The following PTPRK variants were observed in gnomAD, a reference collection of about 807,000 sequenced individuals.
PTPRK encodes protein tyrosine phosphatase receptor type K, also known as receptor-type tyrosine-protein phosphatase kappa.
PTPRK carries 75 observed loss-of-function variants against 178.0 expected under a neutral mutation model. The observed-to-expected ratio is 0.42, with a 90% CI of 0.35 to 0.51. PTPRK has a LOEUF of 0.51. PTPRK is among the 20% of genes least tolerant of loss of function. The pLI is 0.02. For missense variants in PTPRK, 1,441 were observed against 1,797.8 expected (o/e 0.80, Z 3.59); for synonymous variants, 637 against 620.6 (o/e 1.03, Z -0.39).
intron 1 of PTPRK, among the ~76,000 whole-genome samples, chr6:128,483,043 T>A (rs538787844): frequency 7.6e-4 from 116 of 152,306 alleles, no homozygotes; most frequent in Non-Finnish European, 1.3e-3. Flanking sequence ...CTAATCTGAA[T>A]GTCTCTTAAA....
chr6:128,348,551 A>AC (rs1832715481), intron 2 of PTPRK, among the ~76,000 whole-genome samples: 1 of 151,588 alleles, frequency 6.6e-6, no homozygotes, highest in Non-Finnish European at 1.5e-5. Flanking sequence ...AGTTTACAAA[A>AC]TTTTCTGTAA....
chr6:128,012,559 T>G (rs1779170904), intron 13 of PTPRK, among the ~76,000 whole-genome samples: 1 of 151,154 alleles, frequency 6.6e-6, no homozygotes, highest in Admixed American at 6.6e-5. Flanking sequence ...TCCCCAGTGT[T>G]CAGAAGCCAA....
intron 6 of PTPRK, among the ~76,000 whole-genome samples, chr6:128,196,729 G>A (rs971319079): frequency 6.6e-6 from 1 of 152,098 alleles, no homozygotes; most frequent in African/African-American, 2.4e-5. Flanking sequence ...CTGTTCCTAA[G>A]TAACAAGAGA....
intron 1 of PTPRK, among the ~76,000 whole-genome samples, chr6:128,436,410 A>G (rs1382289380): frequency 2.6e-5 from 4 of 152,220 alleles, no homozygotes; most frequent in African/African-American, 9.6e-5. Flanking sequence ...TATAGTTTCT[A>G]AAGACAATTT....
intron 1 of PTPRK, among the ~76,000 whole-genome samples, chr6:128,517,482 T>C (rs1858253337): frequency 6.6e-6 from 1 of 152,168 alleles, no homozygotes; most frequent in Non-Finnish European, 1.5e-5. Context: ...CTCGGTTTCC[T>C]CAGATATGAC....
At chr6:128,266,175 C>G (rs1441720581) in intron 3 of PTPRK, among the ~76,000 whole-genome samples, 2 of 152,076 alleles carry the variant, frequency 1.3e-5, no homozygotes, top group Admixed American at 1.3e-4. Flanking sequence ...GGAAGGACGG[C>G]AGTAGGTTGT....
chr6:128,376,932 G>A (rs1274274437), intron 2 of PTPRK, among the ~76,000 whole-genome samples: 1 of 152,182 alleles, frequency 6.6e-6, no homozygotes, highest in African/African-American at 2.4e-5. Flanking sequence ...GACCACTTCA[G>A]TCTGGATTTC....
At chr6:128,023,400 G>C (rs1773818855) in intron 13 of PTPRK, among the ~76,000 whole-genome samples, 1 of 152,108 alleles carries the variant, frequency 6.6e-6, no homozygotes, top group African/African-American at 2.4e-5. Context: ...CTGGATGCTA[G>C]ATTGGTAGTG....
At chr6:128,413,660 T>C (rs1223246840) in intron 1 of PTPRK, among the ~76,000 whole-genome samples, 1 of 152,184 alleles carries the variant, frequency 6.6e-6, no homozygotes, top group African/African-American at 2.4e-5. Flanking sequence ...CTACACCCTA[T>C]TGAATGTAAC....
chr6:128,513,429 G>A (rs1857456251), intron 1 of PTPRK, among the ~76,000 whole-genome samples: 1 of 149,894 alleles, frequency 6.7e-6, no homozygotes, highest in Non-Finnish European at 1.5e-5. Context: ...GTTTCAGTGA[G>A]CCGAGATCGT....
intron 1 of PTPRK, among the ~76,000 whole-genome samples, chr6:128,413,175 T>C (rs993467587): frequency 1.3e-5 from 2 of 152,104 alleles, no homozygotes; most frequent in African/African-American, 4.8e-5. Context: ...ACAAGGCAAT[T>C]ATATTCTAAA....
chr6:128,066,700 C>CAATAAATAAATAAATA (rs138949244), intron 12 of PTPRK, among the ~76,000 whole-genome samples: 1 of 149,414 alleles, frequency 6.7e-6, no homozygotes, highest in African/African-American at 2.5e-5. Context: ...CTCTGTCTGC[C>CAATAAATAAATAAATA]AATAAATAAA....
chr6:128,201,028 G>A (rs750979529), intron 6 of PTPRK, among the ~76,000 whole-genome samples: 1 of 151,898 alleles, frequency 6.6e-6, no homozygotes, highest in Non-Finnish European at 1.5e-5. Flanking sequence ...CCTGGAAGGT[G>A]TTTTTAATTT....
At chr6:128,037,694 T>C (rs893438206) in intron 13 of PTPRK, among the ~76,000 whole-genome samples, 2 of 152,120 alleles carry the variant, frequency 1.3e-5, no homozygotes, top group South Asian at 2.1e-4. Flanking sequence ...CTTAGCATCA[T>C]GTCAGTAAAT....
At chr6:128,098,452 T>C (rs765521845) in intron 7 of PTPRK, among the ~76,000 whole-genome samples, 1 of 152,126 alleles carries the variant, frequency 6.6e-6, no homozygotes, top group Non-Finnish European at 1.5e-5. Context: ...GAATATGAGA[T>C]ACATGTGGAA....
At chr6:128,424,938 CT>C (rs971499444) in intron 1 of PTPRK, among the ~76,000 whole-genome samples, 5 of 151,798 alleles carry the variant, frequency 3.3e-5, no homozygotes, top group South Asian at 4.2e-4. Context: ...CTTTCCTTTC[CT>C]TTTTTTCTTT....
intron 5 of PTPRK, among the ~76,000 whole-genome samples, chr6:128,233,623 C>G (rs979136603): frequency 6.6e-6 from 1 of 152,190 alleles, no homozygotes; most frequent in African/African-American, 2.4e-5. Flanking sequence ...CTAGCTGTAT[C>G]ACACTATTCT....
chr6:128,431,586 G>C (rs544819668), intron 1 of PTPRK, among the ~76,000 whole-genome samples: 80 of 152,286 alleles, frequency 5.3e-4, no homozygotes, highest in African/African-American at 1.8e-3. Flanking sequence ...ATTTTAGTTA[G>C]GGCAAGCCTC....
intron 2 of PTPRK, among the ~76,000 whole-genome samples, chr6:128,350,546 A>G (rs1832984899): frequency 6.6e-6 from 1 of 152,220 alleles, no homozygotes; most frequent in Non-Finnish European, 1.5e-5. Flanking sequence ...GCTTCCAAAC[A>G]GATGGATGAA....
Sources: gnomAD v4.1 joint callset for allele counts (sites outside exome capture counted in the v4.1 genomes callset) on GRCh38, gnomAD v4.1.1 for gene constraint, MANE v1.5 for transcripts, NCBI Gene and HGNC (gene_info 2026-07-23, HGNC 2026-07-21) for gene names.